MPDZ: variants seen among roughly 807,000 people sequenced by gnomAD.
MPDZ encodes multiple PDZ domain crumbs cell polarity complex component.
In MPDZ, 234 loss-of-function variants were observed where a neutral mutation model predicts 239.1. The observed-to-expected ratio is 0.98, with a 90% confidence interval of 0.88 to 1.09. The LOEUF (loss-of-function observed/expected upper bound fraction) is 1.09. Among genes scored for constraint, MPDZ ranks in the 50% least tolerant of loss-of-function variants. The probability of loss-of-function intolerance (pLI) is 0.00; values close to 1 mark genes in which losing one functional copy is unlikely to be tolerated. For synonymous variants in MPDZ, 1,048 were observed against 881.3 expected (o/e 1.19, Z -3.35); for missense variants, 3,175 against 2,510.0 (o/e 1.26, Z -5.66).
intron 44 of MPDZ, 43 bp from the exon 45 acceptor site, chr9:13,110,107 G>C: frequency 1.4e-6 from 2 of 1,438,504 alleles, no homozygotes; most frequent in Non-Finnish European, 1.9e-6. Context: ...ACATGTTCCT[G>C]TGGCTAGGGA....
chr9:13,256,532 G>T (rs1969481540), intron 1 of MPDZ, among the ~76,000 whole-genome samples: 1 of 152,178 alleles, frequency 6.6e-6, no homozygotes. Flanking sequence ...AGAGGCTATT[G>T]CAGGGTTATT....
chr9:13,111,946 A>T, intron 43 of MPDZ, 78 bp downstream of exon 43: 1 of 1,479,014 alleles, frequency 6.8e-7, no homozygotes, highest in Non-Finnish European at 9.2e-7. Context: ...GCCTTGCAAC[A>T]GGTAGCCAGG....
chr9:13,248,117 A>C (rs1405150094), intron 2 of MPDZ, among the ~76,000 whole-genome samples: 1 of 151,498 alleles, frequency 6.6e-6, no homozygotes, highest in African/African-American at 2.4e-5. Context: ...AACCCCAGCT[A>C]CTCAGGAGGC....
At chr9:13,277,818 G>T (rs928029389) in intron 1 of MPDZ, among the ~76,000 whole-genome samples, 1 of 152,152 alleles carries the variant, frequency 6.6e-6, no homozygotes, top group Non-Finnish European at 1.5e-5. Context: ...ACCCACCTCG[G>T]TCTCCCAAAG....
At chr9:13,279,263 A>ACCCCCCCCCCCG (rs1306373701) in intron 1 of MPDZ, 137 bp downstream of exon 1, 2 of 34,412 alleles carry the variant, frequency 5.8e-5, no homozygotes, top group Admixed American at 2.0e-4. Context: ...CCCCACCCCC[A>ACCCCCCCCCCCG]CCCCCACCCC....
intron 35 of MPDZ, 33 bp from the exon 36 acceptor site, chr9:13,123,331 A>G (rs778199579): frequency 1.9e-6 from 3 of 1,555,900 alleles, no homozygotes; most frequent in Non-Finnish European, 2.6e-6. Flanking sequence ...ATACAAATAA[A>G]AATTGGTTAC....
At chr9:13,174,098 G>C (rs1458177270) in intron 21 of MPDZ, among the ~76,000 whole-genome samples, 1 of 152,098 alleles carries the variant, frequency 6.6e-6, no homozygotes, top group Non-Finnish European at 1.5e-5. Context: ...CCTCAACTAT[G>C]TGGTAAAAAT....
chr9:13,201,677 G>A (rs1484401055), intron 12 of MPDZ, among the ~76,000 whole-genome samples: 2 of 151,694 alleles, frequency 1.3e-5, no homozygotes, highest in Middle Eastern at 3.2e-3. Flanking sequence ...AGCTCACTAA[G>A]TTTCTCTGTT....
chr9:13,133,915 GA>G lies in MPDZ; in HGVS notation c.4384-12del. On this transcript the variant is annotated splice_polypyrimidine_tract_variant and intron_variant, in intron 31 of 46. Transcript: ENST00000319217. The stretch of plus-strand genomic sequence containing the variant: ...AACAGTTGGCTCTGTCTGACAGAGG[GA>G]AAGAAATGACAAAAAGAGCAACTGA... The G allele has an allele frequency of 6.8e-7, 1 of 1,474,484 alleles. No homozygotes were observed. The highest frequency in any genetic ancestry group is 9.1e-7 in the Non-Finnish European group (1 of 1,099,308). The allele number at this position is 1,474,484 out of a possible 1,614,324, so 91.3% of individuals were successfully genotyped here.
Position 13,136,747 on chromosome 9 carries a change from T to C in MPDZ, c.4257A>G (p.Lys1419=). 6.2e-7 allele frequency: 1 copy of C among 1,602,656 alleles called. No individual in the cohort carries two copies. Among genetic ancestry groups the C allele is most frequent in the Non-Finnish European group, 8.5e-7 (1 of 1,173,438 alleles). Residue 1419 remains lysine (K), a synonymous_variant, in exon 30 of 47, where the codon AAA becomes AAG. Transcript: ENST00000319217. ...TTATTTTCACTTTAGAAGGGGCACA[T>C]TTAATGATTGATGAGGCATTCTGAT... The part of the protein sequence containing the change: ...RSHQNASSII[K]CAPSKVKIIF...
At chr9:13,170,954 A>G (rs931100203) in intron 21 of MPDZ, among the ~76,000 whole-genome samples, 3 of 152,168 alleles carry the variant, frequency 2.0e-5, no homozygotes, top group African/African-American at 4.8e-5. Context: ...TCCTGGAAGA[A>G]GTATTAAAGA....
At chr9:13,125,898 A>C (rs1481158727) in intron 34 of MPDZ, among the ~76,000 whole-genome samples, 1 of 152,216 alleles carries the variant, frequency 6.6e-6, no homozygotes, top group Admixed American at 6.5e-5. Flanking sequence ...TACTTACTAA[A>C]AACTGAATTT....
At chr9:13,243,613 C>T (rs1345296578) in intron 3 of MPDZ, among the ~76,000 whole-genome samples, 1 of 151,892 alleles carries the variant, frequency 6.6e-6, no homozygotes, top group African/African-American at 2.4e-5. Flanking sequence ...TCTCATTTCA[C>T]GAAAAAATTT....
chr9:13,144,691 T>A (rs1948200275), intron 26 of MPDZ, among the ~76,000 whole-genome samples: 1 of 152,074 alleles, frequency 6.6e-6, no homozygotes, highest in Non-Finnish European at 1.5e-5. Flanking sequence ...TTATGCCACA[T>A]TACCCTTTCA....
At chr9:13,156,945 A>C (rs1949902178) in intron 24 of MPDZ, among the ~76,000 whole-genome samples, 1 of 152,184 alleles carries the variant, frequency 6.6e-6, no homozygotes, top group Non-Finnish European at 1.5e-5. Flanking sequence ...GGATTTTTTA[A>C]GTGAGTTAAG....
chr9:13,247,647 C>A lies in MPDZ; in HGVS notation c.171G>T (p.Gln57His). Reference sequence around the variant, plus strand: ...AATGATGTCCTACCTGGTCTTTCAGCTGCTGTACAGAAGTCTGAAGGCTCA... The same window carrying A: ...AATGATGTCCTACCTGGTCTTTCAGATGCTGTACAGAAGTCTGAAGGCTCA... ...QILSLQTSVQ[Q>H]LKDQVNIATS... The change falls in exon 3 of 47, where the codon CAG becomes CAT. Residue 57 changes from glutamine (Q) to histidine (H), a missense_variant. Gln to His is a conservative substitution (Grantham distance 24). Transcript: ENST00000319217. The A allele has an allele frequency of 1.2e-6, 2 of 1,611,100 alleles. No individual in the cohort carries two copies. Among genetic ancestry groups the A allele is most frequent in the Non-Finnish European group, 1.7e-6 (2 of 1,177,662 alleles).
intron 7 of MPDZ, among the ~76,000 whole-genome samples, chr9:13,220,452 A>G (rs1345780676): frequency 6.6e-6 from 1 of 151,998 alleles, no homozygotes; most frequent in Non-Finnish European, 1.5e-5. Context: ...TAATTAACTT[A>G]AATTTTAATT....
At chr9:13,219,490 G>A (rs1958793805) in intron 8 of MPDZ, 69 bp downstream of exon 8, 3 of 1,379,414 alleles carry the variant, frequency 2.2e-6, no homozygotes, top group Non-Finnish European at 2.0e-6. Flanking sequence ...TAGTTTCTAA[G>A]TAAACATCAC....
chr9:13,257,921 T>C (rs1235715483), intron 1 of MPDZ, among the ~76,000 whole-genome samples: 2 of 152,230 alleles, frequency 1.3e-5, no homozygotes, highest in South Asian at 2.1e-4. Context: ...ACAATCCTAC[T>C]ATGTACATGC....
Sources: allele counts gnomAD v4.1 joint callset (sites outside exome capture counted in the v4.1 genomes callset), GRCh38; gene constraint gnomAD v4.1.1; transcripts MANE v1.5; gene names NCBI Gene and HGNC (gene_info 2026-07-23, HGNC 2026-07-21).